ABCB1: variants seen among roughly 807,000 people sequenced by gnomAD.
ABCB1 encodes ATP binding cassette subfamily B member 1, also known as ATP-dependent translocase ABCB1.
In ABCB1, 69 loss-of-function variants were observed where a neutral mutation model predicts 142.0. The ratio of observed to expected loss-of-function variants is 0.49; its 90% CI spans 0.40 to 0.59. ABCB1 has a LOEUF of 0.59. Among genes scored for constraint, ABCB1 ranks in the 20% least tolerant of loss-of-function variants. The pLI is 0.00. For missense variants in ABCB1, 1,326 were observed against 1,554.7 expected, an observed-to-expected ratio of 0.85 and a Z score of 2.47; for synonymous variants, 532 against 539.2, an observed-to-expected ratio of 0.99 and a Z score of 0.18.
At chr7:87,626,763 C>G (rs1389251127) in intron 1 of ABCB1, among the ~76,000 whole-genome samples, 1 of 136,956 alleles carries the variant, frequency 7.3e-6, no homozygotes, top group Non-Finnish European at 1.6e-5. Context: ...ATATATATGT[C>G]ATATATATGT....
chr7:87,571,133 G>A (rs757097889), intron 4 of ABCB1, among the ~76,000 whole-genome samples: 2 of 152,186 alleles, frequency 1.3e-5, no homozygotes, highest in Non-Finnish European at 2.9e-5. Context: ...GCCTGTTTCA[G>A]TTGAGTCTGA....
chr7:87,555,702 C>T lies in ABCB1; in HGVS notation c.828-1770G>A, dbSNP rs574480986. Among the ~76,000 whole-genome samples the T allele has an allele frequency of 5.9e-5, 9 of 152,180 alleles. No individual in the cohort carries two copies. In the South Asian group the frequency reaches 6.2e-4, roughly 11 times the overall value. On this transcript the variant is annotated intron_variant, in intron 8 of 27. Coordinates refer to ENST00000622132, the MANE Select transcript of ABCB1 (RefSeq NM_001348946.2). The stretch of plus-strand genomic sequence containing the variant: ...GAACAGAAAAATTATTTTTGAGAAA[C>T]GTTTCAATTATTTATATACACATAT...
At chr7:87,560,857 C>T (rs1817534230) in intron 8 of ABCB1, among the ~76,000 whole-genome samples, 1 of 151,974 alleles carries the variant, frequency 6.6e-6, no homozygotes, top group Admixed American at 6.6e-5. Flanking sequence ...ATATTTTTAT[C>T]TTCCAAATCA....
chr7:87,504,098 G>C lies in ABCB1; in HGVS notation c.*145C>G. On this transcript the variant is annotated 3_prime_UTR_variant, in exon 28 of 28. Transcript: ENST00000622132. ...TCTCTCACTCTGTTCCTTTAATTAC[G>C]AAGTCTCTGAAGACTCTGAACTTGA... 1.0e-6 allele frequency: 1 copy of C among 997,994 alleles called. No individual in the cohort carries two copies. The highest frequency in any genetic ancestry group is 1.5e-6 in the Non-Finnish European group (1 of 664,950). 61.8% of individuals were successfully genotyped at this position (997,994 alleles called of 1,614,324 possible).
intron 1 of ABCB1, among the ~76,000 whole-genome samples, chr7:87,696,810 T>C (rs1181187603): frequency 6.6e-6 from 1 of 152,196 alleles, no homozygotes; most frequent in African/African-American, 2.4e-5. Flanking sequence ...ATTGCTTAGT[T>C]TCTCAGTTTG....
Position 87,545,905 on chromosome 7 carries a change from G to A in ABCB1, c.1845C>T (p.Leu615=). The A allele has an allele frequency of 6.2e-7, 1 of 1,614,146 alleles. No individual in the cohort carries two copies. Among genetic ancestry groups the A allele is most frequent in the East Asian group, 2.2e-5 (1 of 44,886 alleles). Reference sequence around the variant, plus strand: ...TGAAGTAAATGCCTTTCTCTTTCATGAGTTCATCATGATTTCCTTTCTCCA... The same window carrying A: ...TGAAGTAAATGCCTTTCTCTTTCATAAGTTCATCATGATTTCCTTTCTCCA... ...VIVEKGNHDE[L]MKEKGIYFKL... The change falls in exon 15 of 28, where the codon CTC becomes CTT. Residue 615 remains leucine, a synonymous_variant. Coordinates refer to ENST00000622132, the MANE Select transcript of ABCB1 (RefSeq NM_001348946.2).
chr7:87,688,368 A>G (rs1827679594), intron 1 of ABCB1, among the ~76,000 whole-genome samples: 1 of 152,028 alleles, frequency 6.6e-6, no homozygotes, highest in Non-Finnish European at 1.5e-5. Flanking sequence ...CACATTTTAT[A>G]TAATGTAATA....
chr7:87,612,895 A>G (rs1172495164), intron 1 of ABCB1, among the ~76,000 whole-genome samples: 1 of 152,050 alleles, frequency 6.6e-6, no homozygotes, highest in Non-Finnish European at 1.5e-5. Flanking sequence ...ATCTGTGAGC[A>G]TGGGATGTAT....
intron 21 of ABCB1, among the ~76,000 whole-genome samples, chr7:87,530,838 C>CAAGAAAGA (rs1217650542): frequency 0.11 from 7,680 of 70,754 alleles, 572 homozygotes; most frequent in Middle Eastern, 0.14. Context: ...AGCAAGAAAG[C>CAAGAAAGA]AAGAAAGAAA....
At chr7:87,530,819 A>G (rs1816006530) in intron 21 of ABCB1, among the ~76,000 whole-genome samples, 1 of 103,456 alleles carries the variant, frequency 9.7e-6, no homozygotes, top group African/African-American at 4.4e-5. Flanking sequence ...GAAAGCAAGA[A>G]AGCAAGAAAG....
At chr7:87,548,321 A>C (rs1308217617) in intron 14 of ABCB1, among the ~76,000 whole-genome samples, 1 of 149,232 alleles carries the variant, frequency 6.7e-6, no homozygotes, top group African/African-American at 2.5e-5. Context: ...AAGGAAAGGA[A>C]GAGGAAGAGC....
At chr7:87,672,515 C>T (rs1015924660) in intron 1 of ABCB1, among the ~76,000 whole-genome samples, 1 of 152,134 alleles carries the variant, frequency 6.6e-6, no homozygotes, top group Non-Finnish European at 1.5e-5. Flanking sequence ...GCTGCTTAGC[C>T]CTCTAGATTC....
chr7:87,642,736 C>T (rs115652305), intron 1 of ABCB1, among the ~76,000 whole-genome samples: 1,578 of 152,000 alleles, frequency 0.01, 29 homozygotes, highest in African/African-American at 0.036. Flanking sequence ...GTGCTTCTAA[C>T]GTTATTTTTT....
At chr7:87,613,160 G>A (rs1819914978) in intron 1 of ABCB1, among the ~76,000 whole-genome samples, 1 of 148,178 alleles carries the variant, frequency 6.7e-6, no homozygotes, top group Non-Finnish European at 1.5e-5. Flanking sequence ...AGATGTAGAA[G>A]TATTTTGGAG....
At chr7:87,702,867 G>A (rs1829215574) in intron 1 of ABCB1, among the ~76,000 whole-genome samples, 2 of 152,052 alleles carry the variant, frequency 1.3e-5, no homozygotes, top group African/African-American at 4.8e-5. Context: ...CTCAAAATCT[G>A]AAATACTCTT....
chr7:87,564,689 G>T (rs929414157), intron 7 of ABCB1, among the ~76,000 whole-genome samples: 4 of 152,132 alleles, frequency 2.6e-5, no homozygotes, highest in African/African-American at 4.8e-5. Context: ...TAAGAAATTT[G>T]TTTGAAATGA....
rs1584902348 is a variant in ABCB1, at chr7:87,585,534, C to T, written c.264G>A (p.Leu88=). Reference sequence around the variant, plus strand: ...TACTTCTATTAGTGATGTTTGACATCAGATCTTCTAAATTTCCTGCATTTG... The same window carrying T: ...TACTTCTATTAGTGATGTTTGACATTAGATCTTCTAAATTTCCTGCATTTG... ...IFANAGNLED[L]MSNITNRSDI... The change falls in exon 4 of 28, where the codon CTG becomes CTA. Residue 88 remains leucine (L), a synonymous_variant. Transcript: ENST00000622132. The T allele has an allele frequency of 6.2e-7, 1 of 1,613,808 alleles. No homozygotes were observed. Among genetic ancestry groups the T allele is most frequent in the Non-Finnish European group, 8.5e-7 (1 of 1,179,836 alleles).
Position 87,613,257 on chromosome 7 carries a change from CTTTTTTTTTTTTTTTT to C in ABCB1, c.-330-12195_-330-12180del, listed in dbSNP as rs67823385. Among the ~76,000 whole-genome samples the C allele has an allele frequency of 9.3e-5, 6 of 64,200 alleles. No homozygotes were observed. The East Asian group carries it at 2.4e-3, about 26-fold the overall frequency. 42.1% of individuals were successfully genotyped at this position (64,200 alleles called of 152,430 possible). ...TTTCCAATTTGAATGTCCTTTATTT[CTTTTTTTTTTTTTTTT>C]TTTTTTTTGCCTGATTGCTCTGGCA... On this transcript the variant is annotated intron_variant, in intron 1 of 28. Transcript: ENST00000265724.
chr7:87,586,603 A>T (rs1221023561), intron 3 of ABCB1, among the ~76,000 whole-genome samples: 1 of 152,198 alleles, frequency 6.6e-6, no homozygotes, highest in African/African-American at 2.4e-5. Context: ...TGGGTAAAAA[A>T]ATCATAGGCC....
Sources: allele counts gnomAD v4.1 joint callset (sites outside exome capture counted in the v4.1 genomes callset), GRCh38; gene constraint gnomAD v4.1.1; transcripts MANE v1.5; gene names NCBI Gene and HGNC (gene_info 2026-07-23, HGNC 2026-07-21).